Variants in SNX29 observed in about 807,000 individuals in gnomAD.
SNX29 encodes the protein sorting nexin-29.
SNX29 carries 78 observed loss-of-function variants against 102.1 expected under a neutral mutation model. The ratio of observed to expected loss-of-function variants is 0.76; its 90% CI spans 0.64 to 0.92. SNX29 has a LOEUF of 0.92. Among genes scored for constraint, SNX29 ranks in the 40% least tolerant of loss-of-function variants. SNX29 has a pLI of 0.00. For synonymous variants in SNX29, 580 were observed against 414.5 expected (o/e 1.40, Z -4.85); for missense variants, 1,280 against 1,061.7 (o/e 1.21, Z -2.86).
At chr16:12,403,298 C>T (rs902517966) in intron 17 of SNX29, 150 bp from the exon 18 acceptor site, 1 of 510,438 alleles carries the variant, frequency 2.0e-6, no homozygotes, top group African/African-American at 2.0e-5. Context: ...TGTCCTTTAG[C>T]TTGCCATCAG....
chr16:12,565,183 C>G (rs1475514346), intron 20 of SNX29, among the ~76,000 whole-genome samples: 2 of 152,146 alleles, frequency 1.3e-5, no homozygotes, highest in East Asian at 1.9e-4. Context: ...CCCAACCCCC[C>G]ACCTTCAGAT....
intron 18 of SNX29, among the ~76,000 whole-genome samples, chr16:12,475,589 C>G (rs1051365493): frequency 2.6e-5 from 4 of 152,190 alleles, no homozygotes; most frequent in Non-Finnish European, 5.9e-5. Flanking sequence ...AACATCATAG[C>G]TCAGCCTAGT....
At chr16:12,477,370 G>A (rs2087704714) in intron 18 of SNX29, among the ~76,000 whole-genome samples, 1 of 152,216 alleles carries the variant, frequency 6.6e-6, no homozygotes, top group Non-Finnish European at 1.5e-5. Context: ...GTCCAGAAAG[G>A]TTGACTAGCC....
intron 13 of SNX29, among the ~76,000 whole-genome samples, chr16:12,197,542 G>T (rs1044536768): frequency 2.0e-5 from 3 of 152,198 alleles, no homozygotes; most frequent in South Asian, 2.1e-4. Context: ...CTGCACTCCA[G>T]CCTGGGCGAC....
chr16:12,236,892 C>G (rs1418856669), intron 14 of SNX29, among the ~76,000 whole-genome samples: 1 of 152,168 alleles, frequency 6.6e-6, no homozygotes, highest in Non-Finnish European at 1.5e-5. Flanking sequence ...GTGCTTGACA[C>G]GTGGTGAAGG....
intron 3 of SNX29, among the ~76,000 whole-genome samples, chr16:12,014,695 G>C (rs921636921): frequency 7.2e-6 from 1 of 138,494 alleles, no homozygotes; most frequent in Non-Finnish European, 1.5e-5. Context: ...TCATGCCATT[G>C]TACTCCAGCC....
At chr16:12,327,200 G>T (rs764560066) in intron 15 of SNX29, among the ~76,000 whole-genome samples, 9 of 152,140 alleles carry the variant, frequency 5.9e-5, no homozygotes, top group African/African-American at 2.2e-4. Context: ...GTCTTGGTCA[G>T]TATCAGTGAA....
rs1031863293 is a variant in SNX29 at position 12,081,911 on chromosome 16, T to G, written c.1402+2996T>G. Reference sequence around the variant, plus strand: ...AGAAGGAAAGACCAAGATAATACATTTTGATGGTGAAAACACAGTAGAAAT... The same window carrying G: ...AGAAGGAAAGACCAAGATAATACATGTTGATGGTGAAAACACAGTAGAAAT... On this transcript the variant is annotated intron_variant, in intron 11 of 20. Coordinates refer to ENST00000566228, the MANE Select transcript of SNX29 (RefSeq NM_032167.5). 1.2e-4 allele frequency: 19 copies of G among 152,670 alleles called. 1 individual carries two copies. The allele number at this position is 152,670 out of a possible 1,614,324, so 9.5% of individuals were successfully genotyped here.
intron 1 of SNX29, among the ~76,000 whole-genome samples, chr16:11,994,121 A>G (rs1296175325): frequency 6.6e-6 from 1 of 152,172 alleles, no homozygotes; most frequent in Non-Finnish European, 1.5e-5. Context: ...GACTCCGTCT[A>G]CAAACAAACA....
intron 15 of SNX29, among the ~76,000 whole-genome samples, chr16:12,324,512 G>T (rs989178630): frequency 6.6e-6 from 1 of 151,966 alleles, no homozygotes. Context: ...GGGCTCAGGC[G>T]ATCCTCTGCC....
chr16:12,145,372 TTC>T (rs1198531333), intron 13 of SNX29, among the ~76,000 whole-genome samples: 1 of 152,198 alleles, frequency 6.6e-6, no homozygotes, highest in African/African-American at 2.4e-5. Flanking sequence ...GCAATTTACA[TTC>T]TGTTTATTTT....
intron 20 of SNX29, among the ~76,000 whole-genome samples, chr16:12,565,754 C>T (rs1464434354): frequency 1.3e-5 from 2 of 152,166 alleles, no homozygotes; most frequent in Non-Finnish European, 2.9e-5. Context: ...CATGGGCCTG[C>T]CACCTTCACC....
rs371156394 is a variant in SNX29 at position 12,078,829 on chromosome 16, C to G, written c.1320-4C>G. On this transcript the variant is annotated splice_region_variant and splice_polypyrimidine_tract_variant and intron_variant, in intron 10 of 20. Transcript: ENST00000566228. ...GTAACTTCCTCCTGCCTGCTTTTTC[C>G]TAGTGTGGAAGCCAGCTCTCCAGGC... 28 of 1,597,048 alleles carry G rather than the reference C, an allele frequency of 1.8e-5. No individual in the cohort carries two copies. In the African/African-American group the frequency reaches 3.5e-4, roughly 20 times the overall value.
At chr16:12,266,962 C>T (rs149469660) in intron 14 of SNX29, among the ~76,000 whole-genome samples, 2,144 of 152,074 alleles carry the variant, frequency 0.014, 26 homozygotes, top group South Asian at 0.03. Context: ...GGGGTTTTAC[C>T]GTGTTGGCCA....
intron 2 of SNX29, chr16:12,000,588 A>G (rs1327828331): frequency 6.6e-5 from 10 of 152,282 alleles, no homozygotes; most frequent in Non-Finnish European, 4.4e-5. Flanking sequence ...CAGTGGTACC[A>G]TCATAGCTCA....
chr16:12,322,087 C>G (rs2080955441), intron 15 of SNX29, among the ~76,000 whole-genome samples: 1 of 152,162 alleles, frequency 6.6e-6, no homozygotes. Context: ...GTTCCCTTCA[C>G]TGGAGGAAAA....
At position 12,098,175 on chromosome 16, in the gene SNX29, C is replaced by T. The variant is rs2141179732; in HGVS notation, c.1402+19260C>T. ...CCAGCAGTTCTAACCCTTCCCCTGC[C>T]CCCTCCTTCAACTCCTTTTCCTCCT... On this transcript the variant is annotated intron_variant, in intron 11 of 20. Transcript: ENST00000566228. This position sits in a 1 kb window ranked among gnomAD's most constrained non-coding sequence, Gnocchi z 6.0. Among the ~76,000 whole-genome samples, 1 of 152,320 alleles carries T rather than the reference C, an allele frequency of 6.6e-6. No individual in the cohort carries two copies. The highest frequency in any genetic ancestry group is 1.9e-4 in the East Asian group (1 of 5,188).
intron 13 of SNX29, among the ~76,000 whole-genome samples, chr16:12,175,794 T>G (rs996503600): frequency 6.6e-6 from 1 of 152,096 alleles, no homozygotes; most frequent in African/African-American, 2.4e-5. Flanking sequence ...CTTGAGGATC[T>G]CTTGGAGTTT....
At chr16:12,345,446 A>G (rs2081766090) in intron 15 of SNX29, among the ~76,000 whole-genome samples, 1 of 152,048 alleles carries the variant, frequency 6.6e-6, no homozygotes, top group Non-Finnish European at 1.5e-5. Context: ...CTCTGGGGGG[A>G]CCAGTGGGAG....
Sources: gnomAD v4.1 joint callset for allele counts (sites outside exome capture counted in the v4.1 genomes callset) on GRCh38, gnomAD v4.1.1 for gene constraint, Gnocchi (gnomAD v3.1) non-coding constraint, MANE v1.5 for transcripts, NCBI Gene and HGNC (gene_info 2026-07-23, HGNC 2026-07-21) for gene names.